OSBPL10: variants seen among roughly 807,000 people sequenced by gnomAD.
OSBPL10 encodes oxysterol binding protein like 10, also known as oxysterol-binding protein-related protein 10.
OSBPL10 carries 49 observed loss-of-function variants against 81.7 expected under a neutral mutation model. The observed-to-expected ratio is 0.60, with a 90% CI of 0.48 to 0.76. OSBPL10 has a LOEUF of 0.76. Among genes scored for constraint, OSBPL10 ranks in the 30% least tolerant of loss-of-function variants. OSBPL10 has a pLI of 0.00. For missense variants in OSBPL10, 923 were observed against 987.8 expected (o/e 0.93, Z 0.88); for synonymous variants, 419 against 383.6 (o/e 1.09, Z -1.08).
intron 3 of OSBPL10, among the ~76,000 whole-genome samples, chr3:31,847,471 G>A (rs1700662300): frequency 6.6e-6 from 1 of 152,086 alleles, no homozygotes. Flanking sequence ...TTACAGGTGT[G>A]AGCCACCACG....
chr3:31,841,434 T>C (rs1700495857), intron 3 of OSBPL10, among the ~76,000 whole-genome samples: 1 of 152,244 alleles, frequency 6.6e-6, no homozygotes, highest in African/African-American at 2.4e-5. Flanking sequence ...TAGCAGTATT[T>C]GTGGTTTAGG....
chr3:31,729,754 T>C lies in OSBPL10; in HGVS notation c.1095+3503A>G, dbSNP rs1315709484. Among the ~76,000 whole-genome samples the C allele has an allele frequency of 2.0e-5, 3 of 152,126 alleles. No individual in the cohort carries two copies. In the East Asian group the frequency reaches 5.8e-4, roughly 29 times the overall value. On this transcript the variant is annotated intron_variant, in intron 6 of 11. Coordinates refer to ENST00000396556, the MANE Select transcript of OSBPL10 (RefSeq NM_017784.5). ...ACTTTTAAGTTCAAGGTCACAACAT[T>C]GTAGGTGGCCGTGATTCAGAGGTCA...
chr3:31,771,284 T>C (rs1469220130), intron 4 of OSBPL10, among the ~76,000 whole-genome samples: 2 of 152,160 alleles, frequency 1.3e-5, no homozygotes, highest in East Asian at 1.9e-4. Flanking sequence ...TCTATGCTAT[T>C]GTGGCAGGCC....
intron 1 of OSBPL10, among the ~76,000 whole-genome samples, chr3:31,965,554 TATATAAA>T (rs1698325491): frequency 1.2e-5 from 1 of 82,444 alleles, no homozygotes; most frequent in East Asian, 4.8e-4. Context: ...TATTATATAT[TATATAAA>T]TTATATATTA....
At chr3:31,667,517 G>C (rs1253217650) in intron 10 of OSBPL10, among the ~76,000 whole-genome samples, 1 of 152,120 alleles carries the variant, frequency 6.6e-6, no homozygotes, top group African/African-American at 2.4e-5. Flanking sequence ...TACAAGAACT[G>C]TTTCTATTTG....
At chr3:31,834,453 G>C (rs1299165993) in intron 3 of OSBPL10, among the ~76,000 whole-genome samples, 1 of 152,138 alleles carries the variant, frequency 6.6e-6, no homozygotes, top group African/African-American at 2.4e-5. Flanking sequence ...TGATGATGCG[G>C]GACAGCAAAA....
At chr3:31,662,863 C>A in intron 11 of OSBPL10, 40 of 985,448 alleles carry the variant, frequency 4.1e-5, no homozygotes, top group Non-Finnish European at 4.8e-5. Context: ...GGGAGCTAAC[C>A]TCACAGAAGG....
Position 31,758,066 on chromosome 3 carries a change from T to G in OSBPL10, c.730-9946A>C, listed in dbSNP as rs552720725. ...TGGAGAAGGCACAAACTTAAAAATCTGCATATCAAAACTTACTAATGTTTA... is the reference window on the plus strand; with the variant it reads ...TGGAGAAGGCACAAACTTAAAAATCGGCATATCAAAACTTACTAATGTTTA... On this transcript the variant is annotated intron_variant, in intron 4 of 11. Coordinates refer to ENST00000396556, the MANE Select transcript of OSBPL10 (RefSeq NM_017784.5). 2.0e-5 allele frequency among the ~76,000 whole-genome samples: 3 copies of G among 152,302 alleles called. No homozygotes were observed. The East Asian group carries it at 5.8e-4, about 29-fold the overall frequency.
chr3:32,067,743 A>C (rs754183777), intron 1 of OSBPL10, among the ~76,000 whole-genome samples: 5 of 152,102 alleles, frequency 3.3e-5, no homozygotes, highest in Admixed American at 6.5e-5. Flanking sequence ...AGATCCACCC[A>C]CTACCCACAA....
chr3:31,923,283 T>G (rs1400129646), intron 1 of OSBPL10, among the ~76,000 whole-genome samples: 1 of 152,176 alleles, frequency 6.6e-6, no homozygotes, highest in East Asian at 1.9e-4. Context: ...ATATGGCTGT[T>G]GTCCCTGGTT....
intron 3 of OSBPL10, among the ~76,000 whole-genome samples, chr3:31,833,308 GC>G (rs1700289799): frequency 1.3e-5 from 2 of 152,038 alleles, no homozygotes; most frequent in African/African-American, 4.8e-5. Flanking sequence ...CCAAACCCCT[GC>G]TCTTGCCATG....
At chr3:31,957,411 T>C (rs922169472) in intron 1 of OSBPL10, among the ~76,000 whole-genome samples, 4 of 152,180 alleles carry the variant, frequency 2.6e-5, no homozygotes, top group African/African-American at 4.8e-5. Flanking sequence ...GCAAGGGAAC[T>C]GCACTGGCGA....
intron 3 of OSBPL10, among the ~76,000 whole-genome samples, chr3:31,842,391 T>C (rs1192482175): frequency 6.6e-6 from 1 of 152,184 alleles, no homozygotes; most frequent in Non-Finnish European, 1.5e-5. Context: ...GCAAAGAGCT[T>C]CTGGGCTTAT....
At chr3:31,981,371 A>G, upstream of OSBPL10, 1 of 983,994 alleles carries the variant, frequency 1.0e-6, no homozygotes, top group African/African-American at 1.7e-5. The surrounding 1 kb of genome is among the most constrained non-coding windows in gnomAD (Gnocchi z 4.5). Context: ...ACGGGGCTGG[A>G]TGCAGCTGCG....
intron 1 of OSBPL10, among the ~76,000 whole-genome samples, chr3:32,057,186 C>T (rs1270314179): frequency 1.3e-5 from 2 of 152,156 alleles, no homozygotes; most frequent in African/African-American, 4.8e-5. Context: ...TGTAAGTATA[C>T]TCAGTAGAGC....
intron 4 of OSBPL10, among the ~76,000 whole-genome samples, chr3:31,812,401 T>G (rs11710749): frequency 0.058 from 8,769 of 152,214 alleles, 452 homozygotes; most frequent in East Asian, 0.29. Flanking sequence ...AAAGGGCACC[T>G]TTCCCCACAT....
intron 3 of OSBPL10, among the ~76,000 whole-genome samples, chr3:31,849,757 G>A (rs988404969): frequency 6.6e-6 from 1 of 152,192 alleles, no homozygotes; most frequent in Non-Finnish European, 1.5e-5. Context: ...CCAAGACTGG[G>A]CTGGGTATGG....
chr3:31,762,106 C>A (rs759538588), intron 4 of OSBPL10, among the ~76,000 whole-genome samples: 1 of 152,128 alleles, frequency 6.6e-6, no homozygotes, highest in Non-Finnish European at 1.5e-5. Flanking sequence ...TCTACCTCAA[C>A]CTTGAGGTCC....
At chr3:32,031,645 G>A (rs1368606621) in intron 2 of OSBPL10, among the ~76,000 whole-genome samples, 1 of 152,042 alleles carries the variant, frequency 6.6e-6, no homozygotes, top group Non-Finnish European at 1.5e-5. Context: ...GTAGAGATGG[G>A]AGTTCACTAA....
Sources: gnomAD v4.1 joint callset for allele counts (sites outside exome capture counted in the v4.1 genomes callset) on GRCh38, gnomAD v4.1.1 for gene constraint, Gnocchi (gnomAD v3.1) non-coding constraint, MANE v1.5 for transcripts, NCBI Gene and HGNC (gene_info 2026-07-23, HGNC 2026-07-21) for gene names.